EYA1: variants seen among roughly 807,000 people sequenced by gnomAD.
EYA1 encodes the protein EYA transcriptional coactivator and phosphatase 1.
In EYA1, 16 loss-of-function variants were observed where a neutral mutation model predicts 82.0. That is an observed-to-expected ratio of 0.20 (90% confidence interval 0.13 to 0.30). The LOEUF (loss-of-function observed/expected upper bound fraction) is 0.30, where lower values mean the gene tolerates loss of function less well. EYA1 is among the 10% of genes least tolerant of loss of function. EYA1 has a pLI of 1.00. For synonymous variants in EYA1, 261 were observed against 264.4 expected, an observed-to-expected ratio of 0.99 and a Z score of 0.12; for missense variants, 633 against 730.7, an observed-to-expected ratio of 0.87 and a Z score of 1.54.
chr8:71,498,136 A>G (rs1049049902), intron 2 of EYA1, among the ~76,000 whole-genome samples: 2 of 152,208 alleles, frequency 1.3e-5, no homozygotes, highest in African/African-American at 2.4e-5. Context: ...AGATCTATTG[A>G]TCAACACAGT....
At chr8:71,455,408 T>C (rs549845069) in intron 2 of EYA1, among the ~76,000 whole-genome samples, 1 of 152,310 alleles carries the variant, frequency 6.6e-6, no homozygotes, top group Non-Finnish European at 1.5e-5. Flanking sequence ...ACTCATTTTA[T>C]GAGGCCAGCA....
chr8:71,514,463 T>TTTTCACACTAA (rs1350246218), intron 2 of EYA1, among the ~76,000 whole-genome samples: 1 of 152,150 alleles, frequency 6.6e-6, no homozygotes, highest in Non-Finnish European at 1.5e-5. Context: ...TATTAGTCTG[T>TTTTCACACTAA]TTTCACACTG....
At chr8:71,447,444 A>C (rs1393859322) in intron 2 of EYA1, among the ~76,000 whole-genome samples, 3 of 152,214 alleles carry the variant, frequency 2.0e-5, no homozygotes, top group Non-Finnish European at 2.9e-5. Context: ...ATTACCACAC[A>C]GTAGAACAGC....
At chr8:71,224,831 G>A (rs752802958) in intron 12 of EYA1, among the ~76,000 whole-genome samples, 12 of 152,272 alleles carry the variant, frequency 7.9e-5, no homozygotes, top group East Asian at 1.9e-4. Flanking sequence ...GTGGTTTTTC[G>A]AAATAACTCT....
chr8:71,278,175 A>T (rs1324628022), intron 9 of EYA1, among the ~76,000 whole-genome samples: 1 of 151,376 alleles, frequency 6.6e-6, no homozygotes, highest in African/African-American at 2.5e-5. Flanking sequence ...GATGTACAAC[A>T]CTTACCAAAG....
rs1157202425 is a variant in EYA1 at position 71,331,245 on chromosome 8, T to TAA, written c.202+2851_202+2852insTT. Among the ~76,000 whole-genome samples the TAA allele has an allele frequency of 4.8e-3, 651 of 136,494 alleles. 5 individuals carry two copies. The highest frequency in any genetic ancestry group is 0.017 in the African/African-American group (612 of 35,790). The allele number at this position is 136,494 out of a possible 152,430, so 89.5% of individuals were successfully genotyped here. A position where few individuals can be genotyped will look rare whatever the true frequency, so the allele number is the denominator to read the frequency against. On this transcript the variant is annotated intron_variant, in intron 4 of 17. Coordinates refer to ENST00000340726, the MANE Select transcript of EYA1 (RefSeq NM_000503.6). ...CTCTGTCTCTAAATAAATAAATAAATACACACACACACACACACACACACA... is the reference window on the plus strand; with the variant it reads ...CTCTGTCTCTAAATAAATAAATAAATAAACACACACACACACACACACACACA...
intron 5 of EYA1, 67 bp downstream of exon 5, chr8:71,322,132 A>G: frequency 1.5e-6 from 2 of 1,343,368 alleles, no homozygotes; most frequent in South Asian, 1.2e-5. Context: ...GGGCACAGAC[A>G]TGACTTTAAA....
chr8:71,400,036 C>A (rs574163226), intron 2 of EYA1, among the ~76,000 whole-genome samples: 1 of 151,834 alleles, frequency 6.6e-6, no homozygotes, highest in East Asian at 1.9e-4. Context: ...TGAGAAACAG[C>A]AATGGGGAAA....
chr8:71,395,304 C>T (rs1421752713), intron 2 of EYA1, among the ~76,000 whole-genome samples: 1 of 152,108 alleles, frequency 6.6e-6, no homozygotes, highest in Non-Finnish European at 1.5e-5. Context: ...GCCTGATTGC[C>T]CTGGCCAGAA....
intron 2 of EYA1, among the ~76,000 whole-genome samples, chr8:71,395,742 G>C (rs564599875): frequency 2.0e-4 from 31 of 152,086 alleles, no homozygotes; most frequent in African/African-American, 7.5e-4. Context: ...GGATATTGGT[G>C]TAAAATTCTC....
At chr8:71,478,563 T>C (rs1586797362) in intron 2 of EYA1, among the ~76,000 whole-genome samples, 2 of 152,210 alleles carry the variant, frequency 1.3e-5, no homozygotes, top group East Asian at 3.8e-4. Context: ...AAAGTCTTTC[T>C]TCAAAGACCT....
intron 2 of EYA1, among the ~76,000 whole-genome samples, chr8:71,447,680 T>G (rs1007117629): frequency 5.9e-5 from 9 of 152,202 alleles, no homozygotes; most frequent in Admixed American, 1.3e-4. Flanking sequence ...CACACAAAAT[T>G]TTTTGTTTCC....
chr8:71,424,328 C>A (rs920501964), intron 2 of EYA1, among the ~76,000 whole-genome samples: 2 of 152,092 alleles, frequency 1.3e-5, no homozygotes, highest in East Asian at 1.9e-4. Context: ...TTCAATGATT[C>A]AAATGGTAAT....
chr8:71,438,381 A>G (rs1027401155), intron 2 of EYA1, among the ~76,000 whole-genome samples: 1 of 151,478 alleles, frequency 6.6e-6, no homozygotes, highest in African/African-American at 2.4e-5. Context: ...TATAATAAAT[A>G]ACCTAGATAA....
intron 9 of EYA1, among the ~76,000 whole-genome samples, chr8:71,277,538 G>C (rs1249023263): frequency 2.6e-5 from 4 of 152,122 alleles, no homozygotes; most frequent in African/African-American, 9.7e-5. Flanking sequence ...GAATCTTTGT[G>C]AATTCTCTAA....
intron 2 of EYA1, among the ~76,000 whole-genome samples, chr8:71,395,653 C>A (rs150767612): frequency 1.3e-5 from 2 of 151,936 alleles, no homozygotes; most frequent in Non-Finnish European, 2.9e-5. Flanking sequence ...CATTTGATCA[C>A]GGTGGATAAG....
intron 2 of EYA1, among the ~76,000 whole-genome samples, chr8:71,405,153 T>C (rs1202740258): frequency 1.3e-5 from 2 of 152,132 alleles, no homozygotes; most frequent in African/African-American, 4.8e-5. Context: ...GCCGTAAATA[T>C]GTCCCCTCTT....
intron 4 of EYA1, among the ~76,000 whole-genome samples, chr8:71,328,066 AG>A (rs1284490731): frequency 1.3e-5 from 2 of 152,060 alleles, no homozygotes; most frequent in Non-Finnish European, 2.9e-5. Flanking sequence ...CATGTTAGCC[AG>A]GATGGTCTTG....
intron 3 of EYA1, among the ~76,000 whole-genome samples, chr8:71,345,168 C>A (rs1022142034): frequency 2.0e-5 from 3 of 152,100 alleles, no homozygotes; most frequent in Non-Finnish European, 4.4e-5. Flanking sequence ...GTAGTAGATA[C>A]CAGTAAGTGC....
Sources: allele counts gnomAD v4.1 joint callset (sites outside exome capture counted in the v4.1 genomes callset), GRCh38; gene constraint gnomAD v4.1.1; transcripts MANE v1.5; gene names NCBI Gene and HGNC (gene_info 2026-07-23, HGNC 2026-07-21).